Variants in SYNPO observed in about 807,000 individuals in gnomAD.
SYNPO encodes synaptopodin.
Under a neutral mutation model 49.5 loss-of-function variants are expected in SYNPO, and 19 were observed. The observed-to-expected ratio is 0.38, with a 90% CI of 0.27 to 0.56. The LOEUF is 0.56. SYNPO is among the 20% of genes least tolerant of loss of function. The pLI is 0.68. For synonymous variants in SYNPO, 536 were observed against 548.0 expected, an observed-to-expected ratio of 0.98 and a Z score of 0.31; for missense variants, 1,131 against 1,248.3, an observed-to-expected ratio of 0.91 and a Z score of 1.42.
At chr5:150,603,659 C>T (rs549574244) in intron 1 of SYNPO, among the ~76,000 whole-genome samples, 5 of 152,302 alleles carry the variant, frequency 3.3e-5, no homozygotes, top group South Asian at 2.1e-4. Flanking sequence ...GCTTTGGCTC[C>T]AGGATGTGGA....
intron 1 of SYNPO, among the ~76,000 whole-genome samples, chr5:150,643,265 C>A (rs1372776166): frequency 1.3e-5 from 2 of 152,184 alleles, no homozygotes; most frequent in African/African-American, 2.4e-5. Context: ...GGGCAGCTCA[C>A]TTTACCTCTC....
intron 1 of SYNPO, among the ~76,000 whole-genome samples, chr5:150,602,491 G>A (rs1756570586): frequency 6.6e-6 from 1 of 152,138 alleles, no homozygotes; most frequent in South Asian, 2.1e-4. Flanking sequence ...GCGGGTAGTT[G>A]GAAATAAAGG....
the SYNPO span, among the ~76,000 whole-genome samples, chr5:150,594,836 G>C: frequency 1.3e-5 from 2 of 152,280 alleles, no homozygotes; most frequent in East Asian, 3.9e-4. Flanking sequence ...GCAAGGTAAT[G>C]GTCGAGCAGG....
chr5:150,597,546 C>T (rs1210205974), upstream of SYNPO, among the ~76,000 whole-genome samples: 2 of 152,096 alleles, frequency 1.3e-5, no homozygotes, highest in African/African-American at 4.8e-5. Flanking sequence ...GTTGGTCAGG[C>T]TGGTCTGGAA....
intron 2 of SYNPO, among the ~76,000 whole-genome samples, chr5:150,628,054 G>C (rs1757419954): frequency 1.3e-5 from 2 of 151,650 alleles, no homozygotes; most frequent in South Asian, 4.2e-4. Context: ...GTGTGTGTGT[G>C]TGTGTGTGTG....
intron 2 of SYNPO, among the ~76,000 whole-genome samples, chr5:150,633,454 G>A (rs529513714): frequency 1.2e-4 from 18 of 152,232 alleles, no homozygotes; most frequent in Non-Finnish European, 2.6e-4. Context: ...TCTTGTGGCT[G>A]GAAGGAAATT....
At chr5:150,592,572 A>T in the SYNPO span, among the ~76,000 whole-genome samples, 1 of 152,226 alleles carries the variant, frequency 6.6e-6, no homozygotes, top group Non-Finnish European at 1.5e-5. Flanking sequence ...AAATGGGGGA[A>T]ATTCTGACGG....
chr5:150,650,972 AC>A (rs1370090229), intron 2 of SYNPO: 1 of 1,251,568 alleles, frequency 8.0e-7, no homozygotes, highest in East Asian at 3.1e-5. Flanking sequence ...GACTCGGCCC[AC>A]CACTGCTGTC....
intron 2 of SYNPO, 145 bp downstream of exon 2, chr5:150,650,448 T>C (rs1581516147): frequency 1.3e-6 from 2 of 1,536,124 alleles, no homozygotes; most frequent in Admixed American, 2.0e-5. Flanking sequence ...GAGTCCATGG[T>C]TCAAGGTCAG....
At chr5:150,592,040 C>G in the SYNPO span, among the ~76,000 whole-genome samples, 1,569 of 152,282 alleles carry the variant, frequency 0.01, 17 homozygotes, top group Middle Eastern at 0.017. Context: ...TGGCGCATGC[C>G]TATAATCCCA....
intron 2 of SYNPO, chr5:150,624,928 T>C: frequency 3.0e-6 from 3 of 985,506 alleles, no homozygotes; most frequent in Non-Finnish European, 3.6e-6. Context: ...GGCGCTGGCC[T>C]GGCAGGGGTG....
At position 150,657,154 on chromosome 5, in the gene SYNPO, C is replaced by CA. The variant is rs781719256; in HGVS notation, c.*70dup. 1.3e-5 allele frequency: 19 copies of CA among 1,495,096 alleles called. No homozygotes were observed. Among genetic ancestry groups the CA allele is most frequent in the Admixed American group, 2.0e-5 (1 of 49,056 alleles). The allele number at this position is 1,495,096 out of a possible 1,614,324, so 92.6% of individuals were successfully genotyped here. On this transcript the variant is annotated 3_prime_UTR_variant, in exon 3 of 3. Coordinates refer to ENST00000307662, the MANE Select transcript of SYNPO (RefSeq NM_007286.6). The stretch of plus-strand genomic sequence containing the variant: ...GAAGGCTCATTAGACCTGGGGGACC[C>CA]AAAGGGTCTGGCCTCTTTGGGCAGC...
intron 1 of SYNPO, among the ~76,000 whole-genome samples, chr5:150,611,922 T>C (rs898933342): frequency 6.6e-6 from 1 of 152,164 alleles, no homozygotes; most frequent in Non-Finnish European, 1.5e-5. Flanking sequence ...TGAGGCCTGG[T>C]AAAAGAAAGT....
chr5:150,642,775 C>G (rs569194734), intron 1 of SYNPO, among the ~76,000 whole-genome samples: 1 of 152,206 alleles, frequency 6.6e-6, no homozygotes, highest in East Asian at 1.9e-4. Context: ...GGCTGGAGTG[C>G]GGGCTGCAGG....
rs1490302136 is a variant in SYNPO at position 150,657,350 on chromosome 5, C to T, written c.*263C>T. The stretch of plus-strand genomic sequence containing the variant: ...TGTTTAATGGTGGCTTTGGCCAAGG[C>T]AATCCACAAACGTCAAAATTCCCCT... On this transcript the variant is annotated 3_prime_UTR_variant, in exon 3 of 3. Coordinates refer to ENST00000307662, the MANE Select transcript of SYNPO (RefSeq NM_007286.6). The T allele has an allele frequency of 9.8e-6, 5 of 508,272 alleles. No homozygotes were observed. The highest frequency in any genetic ancestry group is 1.8e-5 in the Non-Finnish European group (5 of 283,378). 31.5% of individuals were successfully genotyped at this position (508,272 alleles called of 1,614,324 possible). A position where few individuals can be genotyped will look rare whatever the true frequency, so the allele number is the denominator to read the frequency against.
chr5:150,643,227 G>C (rs1757971494), intron 1 of SYNPO, among the ~76,000 whole-genome samples: 1 of 152,206 alleles, frequency 6.6e-6, no homozygotes, highest in South Asian at 2.1e-4. Flanking sequence ...TGTGAACAGA[G>C]CTCTACTCCT....
chr5:150,624,760 G>A, intron 2 of SYNPO: 1 of 792,172 alleles, frequency 1.3e-6, no homozygotes. Flanking sequence ...CGGTGGCGGC[G>A]GCGAGGAGGG....
At position 150,649,213 on chromosome 5, in the gene SYNPO, G is replaced by A; in HGVS notation, c.938G>A (p.Gly313Glu). 2 of 1,614,036 alleles carry A rather than the reference G, an allele frequency of 1.2e-6. No individual in the cohort carries two copies. The highest frequency in any genetic ancestry group is 1.7e-6 in the Non-Finnish European group (2 of 1,180,004). ...CCGGCCTCAGAGAGACGCCCCTTGG[G>A]GAACTTCACTGCACCCCCCACCTAC... ...RSPASERRPLGNFTAPPTYTE... is the reference protein window; with the variant it reads ...RSPASERRPLENFTAPPTYTE... Residue 313 changes from glycine to glutamate, a missense_variant, in exon 2 of 3, where the codon GGG becomes GAG. Gly to Glu is a moderately conservative substitution (Grantham distance 98). This residue lies in a region of SYNPO where 602 missense variants were observed against 720.7 expected (regional missense o/e 0.84). Coordinates refer to ENST00000307662, the MANE Select transcript of SYNPO (RefSeq NM_007286.6).
At chr5:150,607,773 A>G (rs1334577616) in intron 1 of SYNPO, among the ~76,000 whole-genome samples, 1 of 130,742 alleles carries the variant, frequency 7.6e-6, no homozygotes, top group Non-Finnish European at 1.7e-5. Context: ...GGTACACTAA[A>G]AAGTTAAAAA....
Sources: gnomAD v4.1 joint callset for allele counts (sites outside exome capture counted in the v4.1 genomes callset) on GRCh38, gnomAD v4.1.1 for gene constraint, gnomAD v4.1.1 regional missense constraint, MANE v1.5 for transcripts, NCBI Gene and HGNC (gene_info 2026-07-23, HGNC 2026-07-21) for gene names.